CUX1: variants seen among roughly 807,000 people sequenced by gnomAD.
CUX1 encodes the protein cut like homeobox 1, also known as protein CASP.
In CUX1, 31 loss-of-function variants were observed where a neutral mutation model predicts 158.8. The observed-to-expected ratio is 0.20, with a 90% CI of 0.15 to 0.26. The LOEUF is 0.26. CUX1 is among the 10% of genes least tolerant of loss of function. The pLI is 1.00. For synonymous variants in CUX1, 879 were observed against 862.1 expected, an observed-to-expected ratio of 1.02 and a Z score of -0.34; for missense variants, 1,589 against 2,014.6, an observed-to-expected ratio of 0.79 and a Z score of 4.04.
Position 101,916,445 on chromosome 7 carries a change from AAGTC to A in CUX1, c.141+223_141+226del. On this transcript the variant is annotated intron_variant, in intron 2 of 23. Transcript: ENST00000292535. This position sits in a 1 kb window ranked among gnomAD's most constrained non-coding sequence, Gnocchi z 4.4. The stretch of plus-strand genomic sequence containing the variant: ...ATTGATAGGTTGTCTGGAAATATGA[AAGTC>A]AGAGCCAATTCCAGGTGCAGATACT... 1 of 440,024 alleles carries A rather than the reference AAGTC, an allele frequency of 2.3e-6. No individual in the cohort carries two copies. The highest frequency in any genetic ancestry group is 4.3e-6 in the Non-Finnish European group (1 of 233,588). The allele number at this position is 440,024 out of a possible 1,614,324, so 27.3% of individuals were successfully genotyped here.
intron 1 of CUX1, among the ~76,000 whole-genome samples, chr7:101,867,606 C>T (rs886869970): frequency 1.3e-5 from 2 of 152,188 alleles, no homozygotes; most frequent in Admixed American, 6.5e-5. Context: ...TCCAAAGTGC[C>T]CTCTGAAGGA....
chr7:102,180,585 A>G (rs558890952), intron 11 of CUX1, among the ~76,000 whole-genome samples: 29 of 151,116 alleles, frequency 1.9e-4, no homozygotes, highest in African/African-American at 6.6e-4. Flanking sequence ...CTCGGCTCCC[A>G]AAACACTTTG....
intron 2 of CUX1, among the ~76,000 whole-genome samples, chr7:101,935,149 C>T (rs1806766036): frequency 6.6e-6 from 1 of 152,154 alleles, no homozygotes; most frequent in Non-Finnish European, 1.5e-5. Context: ...TGGCCTGTTC[C>T]TGCCTTAACT....
At chr7:102,266,236 T>C (rs1790805739) in intron 14 of CUX1, among the ~76,000 whole-genome samples, 1 of 148,724 alleles carries the variant, frequency 6.7e-6, no homozygotes, top group Non-Finnish European at 1.5e-5. Context: ...AGAGAGAGAC[T>C]TAAGACAGAT....
In CUX1 at chr7:102,280,055, A is replaced by G. The variant is rs572183049; in HGVS notation, c.1699A>G (p.Thr567Ala). Residue 567 changes from threonine to alanine, a missense_variant, in exon 19 of 23, where the codon ACG becomes GCG. Transcript: ENST00000292538. The stretch of plus-strand genomic sequence containing the variant: ...TGTGCAGGGCAGCGGCAGTGATGAC[A>G]CGGAGCTGCGGTACTCGTCCCAGTA... The G allele has an allele frequency of 4.3e-4, 686 of 1,609,474 alleles. 11 individuals carry two copies. In the South Asian group the frequency reaches 7.2e-3, roughly 17 times the overall value.
chr7:101,857,465 T>C (rs965075283), intron 1 of CUX1, among the ~76,000 whole-genome samples: 16 of 152,226 alleles, frequency 1.1e-4, no homozygotes, highest in African/African-American at 3.4e-4. Context: ...GGATGAAAAA[T>C]GAGGACTGTA....
At chr7:102,079,405 T>C (rs1488860015) in intron 4 of CUX1, among the ~76,000 whole-genome samples, 3 of 151,926 alleles carry the variant, frequency 2.0e-5, no homozygotes, top group Non-Finnish European at 4.4e-5. Context: ...GCCACTGCAC[T>C]TTAGCCTGGG....
At chr7:102,103,388 T>C (rs1829985824) in intron 5 of CUX1, among the ~76,000 whole-genome samples, 2 of 151,946 alleles carry the variant, frequency 1.3e-5, no homozygotes, top group Non-Finnish European at 1.5e-5. Context: ...CTTCCTTTTC[T>C]GTCTCCCTCT....
chr7:101,820,848 A>G (rs901657039), intron 1 of CUX1, among the ~76,000 whole-genome samples: 1 of 152,210 alleles, frequency 6.6e-6, no homozygotes, highest in East Asian at 1.9e-4. Flanking sequence ...AATTCTTGGA[A>G]TCCCATGTTT....
chr7:102,086,597 G>C (rs1256163675), intron 4 of CUX1, among the ~76,000 whole-genome samples: 3 of 151,162 alleles, frequency 2.0e-5, no homozygotes, highest in Non-Finnish European at 2.9e-5. Flanking sequence ...ATTAATTAAT[G>C]TGAATGGCTT....
At chr7:102,259,921 C>A (rs191296421), downstream of CUX1, among the ~76,000 whole-genome samples, 1 of 151,752 alleles carries the variant, frequency 6.6e-6, no homozygotes, top group African/African-American at 2.4e-5. Flanking sequence ...CATAGTGAGA[C>A]CCCATCTCTA....
At chr7:101,979,322 C>G (rs1363262390) in intron 2 of CUX1, among the ~76,000 whole-genome samples, 2 of 152,120 alleles carry the variant, frequency 1.3e-5, no homozygotes, top group African/African-American at 4.8e-5. Flanking sequence ...ATCACCCACA[C>G]CGAAGGAATG....
Position 102,016,508 on chromosome 7 carries a change from TCAAAAAATAATGGTACTC to T in CUX1, c.142-11577_142-11560del, listed in dbSNP as rs1412346536. 2.6e-5 allele frequency among the ~76,000 whole-genome samples: 4 copies of T among 152,270 alleles called. No individual in the cohort carries two copies. In the South Asian group the frequency reaches 6.2e-4, roughly 24 times the overall value. On this transcript the variant is annotated intron_variant, in intron 2 of 23. Transcript: ENST00000292535. ...CCTCATTCCAAGTCTTTGCTGTTCT[TCAAAAAATAATGGTACTC>T]CAAAAAATAATGATACTCCAGATTA...
intron 3 of CUX1, among the ~76,000 whole-genome samples, chr7:102,030,239 T>C (rs1192146047): frequency 1.3e-5 from 2 of 152,214 alleles, no homozygotes; most frequent in Non-Finnish European, 2.9e-5. Context: ...CTCTCATTCC[T>C]GACCTCAGGT....
At chr7:101,956,769 G>A (rs545648865) in intron 2 of CUX1, among the ~76,000 whole-genome samples, 36 of 152,308 alleles carry the variant, frequency 2.4e-4, no homozygotes, top group African/African-American at 7.5e-4. Context: ...GCAACATAGC[G>A]AGACCCTGTC....
rs782681789 is a variant in CUX1 at position 102,254,715 on chromosome 7, C to A, written c.*5673C>A. 3 of 985,378 alleles carry A rather than the reference C, an allele frequency of 3.0e-6. No individual in the cohort carries two copies. The highest frequency in any genetic ancestry group is 3.6e-6 in the Non-Finnish European group (3 of 829,976). The allele number at this position is 985,378 out of a possible 1,614,324, so 61.0% of individuals were successfully genotyped here. On this transcript the variant is annotated 3_prime_UTR_variant, in exon 24 of 24. Transcript: ENST00000292535. ...CTGGGCATCGACGACATTAGGGAAG[C>A]CTTTGTGACCACAAGGGCAGGGCTT...
In CUX1 at chr7:102,144,863, G is replaced by T. The variant is rs570312780; in HGVS notation, c.675-13697G>T. On this transcript the variant is annotated intron_variant, in intron 8 of 23. Transcript: ENST00000292535. ...AGCACTTTGGGAGGCCGAGGTGGGT[G>T]GATAACTTGAGGTCAGGAGCTTGAA... Among the ~76,000 whole-genome samples the T allele has an allele frequency of 3.3e-5, 5 of 151,994 alleles. No homozygotes were observed. In the South Asian group the frequency reaches 6.2e-4, roughly 19 times the overall value.
At chr7:101,893,896 AAC>A (rs1396428307) in intron 1 of CUX1, among the ~76,000 whole-genome samples, 1 of 152,262 alleles carries the variant, frequency 6.6e-6, no homozygotes, top group Non-Finnish European at 1.5e-5. Context: ...ACGGCATTAA[AAC>A]ACTTTTTATG....
Position 102,196,698 on chromosome 7 carries a change from C to G in CUX1, c.1287C>G (p.Pro429=), listed in dbSNP as rs782419222. 5.0e-6 allele frequency: 8 copies of G among 1,607,368 alleles called. No homozygotes were observed. Among genetic ancestry groups the G allele is most frequent in the East Asian group, 4.5e-5 (2 of 44,774 alleles). Residue 429 remains proline (P), a synonymous_variant, in exon 15 of 24, where the codon CCC becomes CCG. Coordinates refer to ENST00000292535, the MANE Select transcript of CUX1 (RefSeq NM_181552.4). ...ESRRPGSLPA[P]PPSQLPRNPG... ...GGCGCCCGGGATCTTTGCCGGCCCC[C>G]CCTCCTTCTCAGTTGCCCCGCAACC...
Sources: gnomAD v4.1 joint callset for allele counts (sites outside exome capture counted in the v4.1 genomes callset) on GRCh38, gnomAD v4.1.1 for gene constraint, Gnocchi (gnomAD v3.1) non-coding constraint, MANE v1.5 for transcripts, NCBI Gene and HGNC (gene_info 2026-07-23, HGNC 2026-07-21) for gene names.